The following TNR variants were observed in gnomAD, a reference collection of about 807,000 sequenced individuals.
TNR encodes tenascin R.
A neutral mutation model predicts 150.4 loss-of-function variants in TNR; 45 were observed. That is an observed-to-expected ratio of 0.30 (90% CI 0.24 to 0.38). The LOEUF is 0.38. Among genes scored for constraint, TNR ranks in the 10% least tolerant of loss-of-function variants. The pLI is 1.00. For synonymous variants in TNR, 687 were observed against 678.4 expected (o/e 1.01, Z -0.20); for missense variants, 1,544 against 1,759.1 (o/e 0.88, Z 2.19).
chr1:175,566,218 C>T (rs1042178964), intron 1 of TNR, among the ~76,000 whole-genome samples: 2 of 152,228 alleles, frequency 1.3e-5, no homozygotes, highest in Non-Finnish European at 2.9e-5. Context: ...TCTGCACTTG[C>T]ATTTTTATTC....
At chr1:175,657,472 T>C (rs1665216557) in intron 1 of TNR, among the ~76,000 whole-genome samples, 1 of 152,080 alleles carries the variant, frequency 6.6e-6, no homozygotes, top group Non-Finnish European at 1.5e-5. Context: ...CATGCACACG[T>C]ATGTTTATTG....
intron 1 of TNR, among the ~76,000 whole-genome samples, chr1:175,699,337 T>G (rs993378409): frequency 6.6e-6 from 1 of 152,158 alleles, no homozygotes; most frequent in African/African-American, 2.4e-5. Context: ...AGTGTGGCAT[T>G]GCCCACCAGA....
chr1:175,705,129 A>G (rs1233164552), intron 1 of TNR, among the ~76,000 whole-genome samples: 1 of 151,914 alleles, frequency 6.6e-6, no homozygotes. Context: ...GCCTGCAGAT[A>G]TGACAACTTC....
intron 1 of TNR, among the ~76,000 whole-genome samples, chr1:175,678,371 C>T (rs986766686): frequency 2.6e-5 from 4 of 152,200 alleles, no homozygotes; most frequent in African/African-American, 9.6e-5. Flanking sequence ...CAGAGGACGG[C>T]CCTGGCATCT....
chr1:175,644,582 A>G (rs912260657), intron 1 of TNR, among the ~76,000 whole-genome samples: 4 of 152,246 alleles, frequency 2.6e-5, no homozygotes, highest in Non-Finnish European at 4.4e-5. Context: ...TCCAAGGGAA[A>G]GGTGACAATG....
chr1:175,389,624 A>G (rs746285427), intron 7 of TNR, among the ~76,000 whole-genome samples: 7 of 152,210 alleles, frequency 4.6e-5, no homozygotes, highest in African/African-American at 1.7e-4. Context: ...TTGGGTCTTC[A>G]TTTCTGAAGG....
intron 1 of TNR, among the ~76,000 whole-genome samples, chr1:175,657,934 T>TA (rs5778866): frequency 1.5e-3 from 191 of 123,488 alleles, no homozygotes; most frequent in Middle Eastern, 4.3e-3. Flanking sequence ...TAAAGTATAA[T>TA]AAAAAAAAAA....
intron 2 of TNR, among the ~76,000 whole-genome samples, chr1:175,442,396 G>GCACATTCCTGCA (rs1655834308): frequency 2.6e-5 from 4 of 151,996 alleles, no homozygotes; most frequent in African/African-American, 9.7e-5. Flanking sequence ...AGTGGTCCTA[G>GCACATTCCTGCA]GGTCATGCCT....
At chr1:175,335,074 A>T (rs1458194596) in intron 20 of TNR, among the ~76,000 whole-genome samples, 1 of 152,146 alleles carries the variant, frequency 6.6e-6, no homozygotes, top group Non-Finnish European at 1.5e-5. Context: ...CCCTTTATCC[A>T]TCACTATGAA....
intron 1 of TNR, among the ~76,000 whole-genome samples, chr1:175,734,984 T>C (rs956447436): frequency 5.7e-4 from 87 of 152,236 alleles, no homozygotes; most frequent in Non-Finnish European, 5.4e-4. Context: ...TTCACCAGCA[T>C]TAAACTTCAT....
chr1:175,661,034 A>G (rs1665352615), intron 1 of TNR, among the ~76,000 whole-genome samples: 1 of 152,228 alleles, frequency 6.6e-6, no homozygotes, highest in Admixed American at 6.5e-5. Flanking sequence ...CATGATGCTC[A>G]GAGTTCTTGG....
intron 2 of TNR, among the ~76,000 whole-genome samples, chr1:175,457,990 C>G (rs1571467946): frequency 1.3e-5 from 2 of 152,280 alleles, no homozygotes; most frequent in East Asian, 3.9e-4. Flanking sequence ...CCAAATAATA[C>G]AAATTATTCA....
At chr1:175,734,216 A>G (rs185012209) in intron 1 of TNR, among the ~76,000 whole-genome samples, 1 of 152,330 alleles carries the variant, frequency 6.6e-6, no homozygotes, top group East Asian at 1.9e-4. Context: ...CAGCCTCAAA[A>G]TACACCCTTC....
chr1:175,516,377 A>G (rs577925640), intron 2 of TNR, among the ~76,000 whole-genome samples: 25 of 152,320 alleles, frequency 1.6e-4, no homozygotes, highest in African/African-American at 2.9e-4. Flanking sequence ...CTAACAAATG[A>G]CAGCGTGGCC....
intron 2 of TNR, among the ~76,000 whole-genome samples, chr1:175,407,353 T>C (rs1235237115): frequency 6.6e-6 from 1 of 152,222 alleles, no homozygotes; most frequent in Non-Finnish European, 1.5e-5. Context: ...TGTGATTATC[T>C]AGGGCTGTGT....
At chr1:175,693,462 T>C (rs964510401) in intron 1 of TNR, among the ~76,000 whole-genome samples, 3 of 152,232 alleles carry the variant, frequency 2.0e-5, no homozygotes, top group Admixed American at 2.0e-4. Context: ...CCCGTCTCCA[T>C]TGATCATCCC....
chr1:175,713,477 T>C (rs1405684226), intron 1 of TNR, among the ~76,000 whole-genome samples: 1 of 152,232 alleles, frequency 6.6e-6, no homozygotes, highest in Admixed American at 6.5e-5. Flanking sequence ...GTCTAACTTA[T>C]AACAAGTAAC....
rs938963611 is a variant in TNR at position 175,696,235 on chromosome 1, T to C, written c.-165+46991A>G. ...TCCTGTAGTTTTTTTTTTTTTTTTT[T>C]TTTTTTTTTCCAAAATTTAAGGGAC... On this transcript the variant is annotated intron_variant, in intron 1 of 22. Coordinates refer to ENST00000367674, the MANE Select transcript of TNR (RefSeq NM_003285.3). Among the ~76,000 whole-genome samples, 181 of 131,466 alleles carry C rather than the reference T, an allele frequency of 1.4e-3. 1 individual carries two copies. The highest frequency in any genetic ancestry group is 5.4e-3 in the African/African-American group (177 of 32,944). 86.2% of individuals were successfully genotyped at this position (131,466 alleles called of 152,430 possible). A position where few individuals can be genotyped will look rare whatever the true frequency, so the allele number is the denominator to read the frequency against.
At chr1:175,401,209 C>T (rs1653689426) in intron 4 of TNR, among the ~76,000 whole-genome samples, 1 of 152,174 alleles carries the variant, frequency 6.6e-6, no homozygotes, top group Admixed American at 6.5e-5. Flanking sequence ...ATTTTGTTTG[C>T]AAATGAACCT....
Sources: gnomAD v4.1 joint callset for allele counts (sites outside exome capture counted in the v4.1 genomes callset) on GRCh38, gnomAD v4.1.1 for gene constraint, MANE v1.5 for transcripts, NCBI Gene and HGNC (gene_info 2026-07-23, HGNC 2026-07-21) for gene names.